The following NBEA variants were observed in gnomAD, a reference collection of about 807,000 sequenced individuals.
The protein encoded by NBEA is neurobeachin.
In NBEA, 44 loss-of-function variants were observed where a neutral mutation model predicts 343.4. The ratio of observed to expected loss-of-function variants is 0.13; its 90% CI spans 0.10 to 0.16. The LOEUF is 0.16. Ranked by LOEUF, NBEA falls within the 10% of genes least tolerant of loss-of-function variation. The probability of loss-of-function intolerance (pLI) is 1.00; values close to 1 mark genes in which losing one functional copy is unlikely to be tolerated. For synonymous variants in NBEA, 1,175 were observed against 1,238.7 expected (o/e 0.95, Z 1.08); for missense variants, 2,555 against 3,631.3 (o/e 0.70, Z 7.62).
intron 1 of NBEA, among the ~76,000 whole-genome samples, chr13:35,032,324 T>G (rs2062258440): frequency 6.6e-6 from 1 of 151,892 alleles, no homozygotes; most frequent in Non-Finnish European, 1.5e-5. Flanking sequence ...TATTTTTGAC[T>G]TTTTAATAAT....
chr13:35,494,652 A>C (rs2076610361), intron 41 of NBEA, among the ~76,000 whole-genome samples: 1 of 152,018 alleles, frequency 6.6e-6, no homozygotes, highest in Non-Finnish European at 1.5e-5. Flanking sequence ...GAAAACGAAA[A>C]GCAAAATATC....
At chr13:35,494,439 G>T (rs569325084) in intron 41 of NBEA, among the ~76,000 whole-genome samples, 2 of 152,040 alleles carry the variant, frequency 1.3e-5, no homozygotes, top group South Asian at 4.2e-4. Flanking sequence ...GATGTATTAG[G>T]TTGGTGCAAA....
intron 1 of NBEA, among the ~76,000 whole-genome samples, chr13:35,032,663 G>GT (rs1210374311): frequency 6.6e-6 from 1 of 151,488 alleles, no homozygotes; most frequent in African/African-American, 2.4e-5. Context: ...TTTTGCCAGT[G>GT]TTTATTATGC....
chr13:35,151,179 A>G (rs2152704015), intron 18 of NBEA, among the ~76,000 whole-genome samples: 1 of 152,022 alleles, frequency 6.6e-6, no homozygotes, highest in Middle Eastern at 3.4e-3. Context: ...TTATTAGGAT[A>G]AAGACTATGT....
intron 7 of NBEA, among the ~76,000 whole-genome samples, chr13:35,057,841 G>C (rs1329219130): frequency 2.6e-5 from 4 of 152,126 alleles, no homozygotes; most frequent in African/African-American, 9.7e-5. Context: ...TCTTTATGCA[G>C]TTAAAGTTCC....
chr13:35,594,570 C>T (rs182481464), intron 47 of NBEA, among the ~76,000 whole-genome samples: 1 of 152,144 alleles, frequency 6.6e-6, no homozygotes, highest in East Asian at 1.9e-4. Flanking sequence ...AATATGCATC[C>T]TTACTATATT....
chr13:35,524,088 C>T (rs2077851215), intron 41 of NBEA, among the ~76,000 whole-genome samples: 1 of 152,142 alleles, frequency 6.6e-6, no homozygotes, highest in Non-Finnish European at 1.5e-5. Context: ...CCAAATGAAT[C>T]TAATTGGTAG....
chr13:35,083,300 A>G (rs1316725330), intron 10 of NBEA, among the ~76,000 whole-genome samples: 4 of 152,128 alleles, frequency 2.6e-5, no homozygotes, highest in Non-Finnish European at 5.9e-5. Flanking sequence ...TACCAGTACC[A>G]TGCTGTTTTG....
intron 25 of NBEA, among the ~76,000 whole-genome samples, chr13:35,170,825 TC>T (rs1185923349): frequency 1.3e-5 from 2 of 151,892 alleles, no homozygotes; most frequent in East Asian, 3.9e-4. Flanking sequence ...CCATGTATTT[TC>T]CCTATTATTC....
At chr13:35,113,178 G>A (rs559849453) in intron 13 of NBEA, among the ~76,000 whole-genome samples, 3 of 151,842 alleles carry the variant, frequency 2.0e-5, no homozygotes, top group Non-Finnish European at 4.4e-5. Context: ...CCTTAAATTT[G>A]AATTTTCTGT....
intron 41 of NBEA, among the ~76,000 whole-genome samples, chr13:35,510,630 AAAAG>A (rs1441284069): frequency 1.3e-5 from 2 of 152,206 alleles, no homozygotes; most frequent in Non-Finnish European, 2.9e-5. Context: ...AAAGGAATAA[AAAAG>A]AAGGAAGAAA....
chr13:35,634,733 A>C (rs1362490435), intron 49 of NBEA, among the ~76,000 whole-genome samples: 5 of 152,302 alleles, frequency 3.3e-5, no homozygotes, highest in Middle Eastern at 3.4e-3. Flanking sequence ...AGTAGTTTTT[A>C]ATATTACCAA....
At chr13:35,599,285 G>A (rs2081948106) in intron 47 of NBEA, among the ~76,000 whole-genome samples, 1 of 152,042 alleles carries the variant, frequency 6.6e-6, no homozygotes. Flanking sequence ...TTCTGTTTTG[G>A]TCATTTATGA....
chr13:35,199,618 T>A (rs1029106992), intron 31 of NBEA, among the ~76,000 whole-genome samples: 14 of 152,140 alleles, frequency 9.2e-5, no homozygotes, highest in East Asian at 1.9e-4. Flanking sequence ...ATCCTGGATT[T>A]TAAATTTGGA....
chr13:35,397,477 T>C (rs2042798813), intron 38 of NBEA, among the ~76,000 whole-genome samples: 1 of 152,218 alleles, frequency 6.6e-6, no homozygotes, highest in Non-Finnish European at 1.5e-5. Context: ...TTACATACTC[T>C]GCTTAACTAC....
At chr13:34,947,286 C>A (rs760907520) in intron 1 of NBEA, among the ~76,000 whole-genome samples, 24 of 152,086 alleles carry the variant, frequency 1.6e-4, no homozygotes, top group Admixed American at 2.6e-4. Context: ...AGTCAACGAT[C>A]AAGTTATATT....
chr13:35,152,231 A>G (rs755396113), intron 18 of NBEA, among the ~76,000 whole-genome samples: 2 of 152,228 alleles, frequency 1.3e-5, no homozygotes, highest in African/African-American at 2.4e-5. Flanking sequence ...GGATATAACA[A>G]TTTATGAGTG....
chr13:35,542,087 T>G (rs1167067254), intron 41 of NBEA, among the ~76,000 whole-genome samples: 1 of 151,836 alleles, frequency 6.6e-6, no homozygotes, highest in African/African-American at 2.4e-5. Context: ...AAATCAAGAT[T>G]ATTAAATCAA....
At chr13:35,227,308 C>T (rs937033438) in intron 33 of NBEA, among the ~76,000 whole-genome samples, 1 of 151,886 alleles carries the variant, frequency 6.6e-6, no homozygotes, top group Non-Finnish European at 1.5e-5. Context: ...AATTTAGTGA[C>T]AACAGACACA....
Sources: allele counts gnomAD v4.1 joint callset (sites outside exome capture counted in the v4.1 genomes callset), GRCh38; gene constraint gnomAD v4.1.1; transcripts MANE v1.5; gene names NCBI Gene and HGNC (gene_info 2026-07-23, HGNC 2026-07-21).